MAJIN: variants seen among roughly 807,000 people sequenced by gnomAD.
MAJIN encodes the protein membrane anchored junction protein, also known as membrane-anchored junction protein.
Under a neutral mutation model 30.2 loss-of-function variants are expected in MAJIN, and 27 were observed. That is an observed-to-expected ratio of 0.89 (90% CI 0.66 to 1.23). MAJIN has a LOEUF of 1.23. Ranked by LOEUF, MAJIN falls within the 50% of genes most tolerant of loss-of-function variation. The pLI, the probability that MAJIN is intolerant of heterozygous loss-of-function variation, is 0.00. For synonymous variants in MAJIN, 78 were observed against 91.6 expected (o/e 0.85, Z 0.85); for missense variants, 253 against 260.3 (o/e 0.97, Z 0.19).
chr11:64,944,546 CT>C (rs1241314061), intron 8 of MAJIN, among the ~76,000 whole-genome samples: 2 of 152,174 alleles, frequency 1.3e-5, no homozygotes, highest in Non-Finnish European at 2.9e-5. Flanking sequence ...GTAGTCCTAG[CT>C]ACTCCAGAGG....
At chr11:64,942,376 A>C (rs1945392419) in intron 8 of MAJIN, among the ~76,000 whole-genome samples, 2 of 152,038 alleles carry the variant, frequency 1.3e-5, no homozygotes, top group Non-Finnish European at 2.9e-5. Flanking sequence ...TGGTGCACCC[A>C]TCATCCAAGT....
chr11:64,947,814 G>A lies in MAJIN; in HGVS notation c.355C>T (p.Pro119Ser). ...AACCCAAGAGGACTGTCACTTATTG[G>A]TTTCCCTACAATAGGAAATTTGAGT... Reference protein sequence around the residue: ...WFHENLSPGKPISDSPLGLVP... With the variant: ...WFHENLSPGKSISDSPLGLVP... Residue 119 changes from proline (P) to serine (S), a missense_variant, in exon 7 of 11, where the codon CCA becomes TCA. Physicochemically the swap from Pro to Ser is moderately conservative, Grantham distance 74. Transcript: ENST00000301896. 6.2e-7 allele frequency: 1 copy of A among 1,608,470 alleles called. No homozygotes were observed. Among genetic ancestry groups the A allele is most frequent in the Non-Finnish European group, 8.5e-7 (1 of 1,176,528 alleles).
intron 1 of MAJIN, among the ~76,000 whole-genome samples, chr11:64,962,205 T>A (rs1945738356): frequency 6.6e-6 from 1 of 152,188 alleles, no homozygotes; most frequent in Non-Finnish European, 1.5e-5. Flanking sequence ...AAGAGGAAAT[T>A]TCATGTGTTG....
At chr11:64,946,392 G>A (rs1945452574) in intron 8 of MAJIN, among the ~76,000 whole-genome samples, 1 of 152,142 alleles carries the variant, frequency 6.6e-6, no homozygotes, top group Admixed American at 6.5e-5. Context: ...ATTGACAGCA[G>A]GTATCAGATT....
intron 3 of MAJIN, among the ~76,000 whole-genome samples, chr11:64,957,778 C>A (rs1485757029): frequency 6.6e-6 from 1 of 152,120 alleles, no homozygotes; most frequent in Admixed American, 6.5e-5. Flanking sequence ...CTTACTGCAA[C>A]CTCCACCTCC....
intron 1 of MAJIN, among the ~76,000 whole-genome samples, chr11:64,969,611 G>A (rs1000120320): frequency 2.6e-5 from 4 of 152,128 alleles, no homozygotes; most frequent in Non-Finnish European, 5.9e-5. Flanking sequence ...CAGTAGCCAG[G>A]TCTACAGTGA....
In MAJIN at chr11:64,938,413, C is replaced by T; in HGVS notation, c.*162G>A. On this transcript the variant is annotated 3_prime_UTR_variant, in exon 11 of 11. Transcript: ENST00000301896. Reference sequence around the variant, plus strand: ...ACCACAGAGGACTCAGCATGGGGACCTCATTCCCCACGACTGAAGTGTCAT... The same window carrying T: ...ACCACAGAGGACTCAGCATGGGGACTTCATTCCCCACGACTGAAGTGTCAT... The T allele has an allele frequency of 1.7e-6, 2 of 1,205,842 alleles. No individual in the cohort carries two copies. Among genetic ancestry groups the T allele is most frequent in the Non-Finnish European group, 2.4e-6 (2 of 849,824 alleles). 74.7% of individuals were successfully genotyped at this position (1,205,842 alleles called of 1,614,324 possible). A position where few individuals can be genotyped will look rare whatever the true frequency, so the allele number is the denominator to read the frequency against.
At chr11:64,948,424 A>G (rs1042779121) in intron 6 of MAJIN, among the ~76,000 whole-genome samples, 11 of 150,428 alleles carry the variant, frequency 7.3e-5, no homozygotes, top group Non-Finnish European at 1.0e-4. Context: ...AGGCCTTTGC[A>G]CCCCTTTTCT....
At chr11:64,968,325 T>C (rs988100012) in intron 1 of MAJIN, among the ~76,000 whole-genome samples, 4 of 152,028 alleles carry the variant, frequency 2.6e-5, no homozygotes, top group Non-Finnish European at 4.4e-5. Flanking sequence ...GGCTGGAGTA[T>C]AGCGACACAA....
At chr11:64,970,945 G>A (rs574556379) in intron 1 of MAJIN, among the ~76,000 whole-genome samples, 2 of 152,314 alleles carry the variant, frequency 1.3e-5, no homozygotes, top group African/African-American at 4.8e-5. Context: ...GCTGGGGTTG[G>A]AGGGTGGGTA....
chr11:64,950,230 T>C (rs1945528985), intron 5 of MAJIN, 125 bp downstream of exon 5: 1 of 832,872 alleles, frequency 1.2e-6, no homozygotes, highest in East Asian at 2.8e-5. Context: ...CTGGAGAGGC[T>C]GAGGCAAGAG....
At chr11:64,941,920 T>C (rs1031184176) in intron 8 of MAJIN, among the ~76,000 whole-genome samples, 1 of 152,106 alleles carries the variant, frequency 6.6e-6, no homozygotes, top group African/African-American at 2.4e-5. Flanking sequence ...AGGATCAGCA[T>C]GGCTAGAGCC....
chr11:64,943,191 G>C (rs1230833709), intron 8 of MAJIN, among the ~76,000 whole-genome samples: 1 of 152,182 alleles, frequency 6.6e-6, no homozygotes, highest in Admixed American at 6.6e-5. Flanking sequence ...AGTTCGAACA[G>C]ATATAGCAAA....
rs1395799562 is a variant in MAJIN at position 64,959,439 on chromosome 11, G to A, written c.-17-17C>T. 2 of 1,573,194 alleles carry A rather than the reference G, an allele frequency of 1.3e-6. No homozygotes were observed. On this transcript the variant is annotated splice_polypyrimidine_tract_variant and intron_variant, in intron 2 of 10. Coordinates refer to ENST00000301896, the MANE Select transcript of MAJIN (RefSeq NM_001037225.3). ...AACGATAGCCTAAATAAAATAGAAAGAGAATTACTAAAAAGCTAACGATTG... is the reference window on the plus strand; with the variant it reads ...AACGATAGCCTAAATAAAATAGAAAAAGAATTACTAAAAAGCTAACGATTG...
intron 8 of MAJIN, among the ~76,000 whole-genome samples, chr11:64,944,130 G>C (rs1404534274): frequency 6.6e-6 from 1 of 152,262 alleles, no homozygotes; most frequent in African/African-American, 2.4e-5. Context: ...AATGCCTTGT[G>C]AGCAGGAGAC....
In MAJIN at chr11:64,953,382, C is replaced by T. The variant is rs117223440; in HGVS notation, c.147+1375G>A. Among the ~76,000 whole-genome samples, 688 of 152,214 alleles carry T rather than the reference C, an allele frequency of 4.5e-3. 9 individuals are homozygous for T. The East Asian group carries it at 0.059, about 13-fold the overall frequency. On this transcript the variant is annotated intron_variant, in intron 4 of 10. Coordinates refer to ENST00000301896, the MANE Select transcript of MAJIN (RefSeq NM_001037225.3). ...TATCCTAGTATGGAGACTTCAAATC[C>T]AGGTTTGACTGGCTCTAAAGTCTGT...
At chr11:64,952,703 T>C (rs1197997907) in intron 4 of MAJIN, among the ~76,000 whole-genome samples, 2 of 151,966 alleles carry the variant, frequency 1.3e-5, no homozygotes, top group African/African-American at 4.8e-5. Context: ...TCTCAGTAAA[T>C]GTTTTCTTTT....
At chr11:64,967,124 A>C (rs1022513454) in intron 1 of MAJIN, among the ~76,000 whole-genome samples, 1 of 150,712 alleles carries the variant, frequency 6.6e-6, no homozygotes, top group Non-Finnish European at 1.5e-5. Context: ...AAAAAAGAAA[A>C]AGGCCAGGTG....
intron 3 of MAJIN, among the ~76,000 whole-genome samples, chr11:64,956,090 C>T (rs747822890): frequency 7.9e-5 from 12 of 152,100 alleles, no homozygotes; most frequent in Admixed American, 1.3e-4. Flanking sequence ...TACCTGAGGT[C>T]GGGAGTTTGA....
Sources: allele counts gnomAD v4.1 joint callset (sites outside exome capture counted in the v4.1 genomes callset), GRCh38; gene constraint gnomAD v4.1.1; transcripts MANE v1.5; gene names NCBI Gene and HGNC (gene_info 2026-07-23, HGNC 2026-07-21).